Variants in LARGE1 observed in about 807,000 individuals in gnomAD.
LARGE1 encodes the protein LARGE xylosyl- and glucuronyltransferase 1.
LARGE1 carries 43 observed loss-of-function variants against 87.6 expected under a neutral mutation model. The ratio of observed to expected loss-of-function variants is 0.49; its 90% CI spans 0.38 to 0.63. The LOEUF is 0.63. Among genes scored for constraint, LARGE1 ranks in the 30% least tolerant of loss-of-function variants. The pLI is 0.00. For synonymous variants in LARGE1, 434 were observed against 394.6 expected (o/e 1.10, Z -1.18); for missense variants, 802 against 1,000.2 (o/e 0.80, Z 2.67).
At chr22:33,569,013 C>T (rs1178847798) in intron 5 of LARGE1, among the ~76,000 whole-genome samples, 1 of 152,134 alleles carries the variant, frequency 6.6e-6, no homozygotes, top group Non-Finnish European at 1.5e-5. Flanking sequence ...ACTACATTAT[C>T]CTTCCTTTAG....
chr22:33,842,720 G>A (rs923948784), intron 1 of LARGE1, among the ~76,000 whole-genome samples: 3 of 152,092 alleles, frequency 2.0e-5, no homozygotes, highest in Non-Finnish European at 2.9e-5. Flanking sequence ...AAAATATGGT[G>A]GCCACTAGCT....
chr22:33,154,193 T>C, the LARGE1 span, among the ~76,000 whole-genome samples: 1 of 151,878 alleles, frequency 6.6e-6, no homozygotes, highest in Non-Finnish European at 1.5e-5. Context: ...AGTAAACTCC[T>C]CTTTTATTAA....
At chr22:33,606,752 C>T (rs2079276159) in intron 4 of LARGE1, among the ~76,000 whole-genome samples, 1 of 152,102 alleles carries the variant, frequency 6.6e-6, no homozygotes, top group Non-Finnish European at 1.5e-5. Flanking sequence ...CCCACACTGC[C>T]CCTGCTGTCA....
intron 9 of LARGE1, among the ~76,000 whole-genome samples, chr22:33,373,972 C>CAAAAAAAAA (rs35830988): frequency 1.7e-5 from 1 of 59,518 alleles, no homozygotes; most frequent in Admixed American, 2.1e-4. Flanking sequence ...GACTCCGTCT[C>CAAAAAAAAA]AAAAAAAAAA....
intron 7 of LARGE1, among the ~76,000 whole-genome samples, chr22:33,394,186 T>C (rs2065637410): frequency 6.7e-6 from 1 of 149,080 alleles, no homozygotes; most frequent in African/African-American, 2.5e-5. Context: ...TTAACTTAGA[T>C]GACCTCTGAT....
At chr22:33,183,767 T>C (rs1923319868) in intron 11 of LARGE1, among the ~76,000 whole-genome samples, 1 of 152,046 alleles carries the variant, frequency 6.6e-6, no homozygotes, top group African/African-American at 2.4e-5. Context: ...TGATATTTAC[T>C]GTATGAAAGA....
intron 11 of LARGE1, among the ~76,000 whole-genome samples, chr22:33,183,628 A>ACG (rs34003530): frequency 0.31 from 41,596 of 135,786 alleles, 6,328 homozygotes; most frequent in Non-Finnish European, 0.38. Context: ...ACGCACACAC[A>ACG]CACACACACA....
chr22:33,534,514 G>C (rs1361366604), intron 6 of LARGE1, among the ~76,000 whole-genome samples: 1 of 152,118 alleles, frequency 6.6e-6, no homozygotes, highest in Non-Finnish European at 1.5e-5. Flanking sequence ...CCTTCATAAA[G>C]AGCTGCTAGC....
intron 3 of LARGE1, among the ~76,000 whole-genome samples, chr22:33,631,595 C>G (rs1262857835): frequency 1.3e-5 from 2 of 152,158 alleles, no homozygotes; most frequent in African/African-American, 4.8e-5. Context: ...GGGGCATTAA[C>G]ACACATGGAG....
At chr22:33,316,009 C>T in intron 11 of LARGE1, 76 bp downstream of exon 11, 1 of 1,510,628 alleles carries the variant, frequency 6.6e-7, no homozygotes, top group Non-Finnish European at 9.1e-7. Flanking sequence ...GAAGCAGGCA[C>T]ACCCTTCTCC....
intron 1 of LARGE1, among the ~76,000 whole-genome samples, chr22:33,861,273 C>T (rs767787913): frequency 6.6e-5 from 10 of 152,004 alleles, no homozygotes; most frequent in Admixed American, 1.3e-4. Flanking sequence ...ACTTGGTGGC[C>T]GAGTACAGCC....
At chr22:33,493,877 AC>A (rs1452844834) in intron 6 of LARGE1, among the ~76,000 whole-genome samples, 1 of 152,036 alleles carries the variant, frequency 6.6e-6, no homozygotes, top group African/African-American at 2.4e-5. Flanking sequence ...TAATTAAGAG[AC>A]CCTCCAAACC....
intron 4 of LARGE1, among the ~76,000 whole-genome samples, chr22:33,622,337 C>T (rs2079781102): frequency 6.6e-6 from 1 of 152,164 alleles, no homozygotes; most frequent in African/African-American, 2.4e-5. Context: ...CTTCTCCTTC[C>T]TGCCATCTTG....
chr22:33,162,387 T>A (rs913453986), exon 12 of LARGE1: 2 of 152,102 alleles, frequency 1.3e-5, no homozygotes, highest in African/African-American at 4.8e-5. Flanking sequence ...TCAGATCTCA[T>A]GAGAACTCAG....
chr22:33,656,344 T>C (rs185531380), intron 2 of LARGE1, among the ~76,000 whole-genome samples: 3 of 152,220 alleles, frequency 2.0e-5, no homozygotes, highest in South Asian at 2.1e-4. Flanking sequence ...TATAAAACCA[T>C]TGGATCTTGT....
chr22:33,449,833 T>C (rs537800278), intron 6 of LARGE1, among the ~76,000 whole-genome samples: 25 of 152,308 alleles, frequency 1.6e-4, no homozygotes, highest in Middle Eastern at 6.8e-3. Flanking sequence ...GCCCTGAAGA[T>C]GCCCATCAAG....
chr22:33,125,147 T>C, the LARGE1 span, among the ~76,000 whole-genome samples: 3 of 152,212 alleles, frequency 2.0e-5, no homozygotes, highest in African/African-American at 7.2e-5. Context: ...CTTATAGGGA[T>C]GGGCAGCGAG....
chr22:33,200,571 C>CA (rs1924329458), intron 11 of LARGE1, among the ~76,000 whole-genome samples: 1 of 151,176 alleles, frequency 6.6e-6, no homozygotes, highest in African/African-American at 2.5e-5. Context: ...TCATGTTAGT[C>CA]AAAAAGGAGA....
intron 1 of LARGE1, among the ~76,000 whole-genome samples, chr22:33,868,731 G>C (rs1458610115): frequency 1.3e-5 from 2 of 152,082 alleles, no homozygotes; most frequent in Non-Finnish European, 2.9e-5. Flanking sequence ...GCCCTGGTCT[G>C]GTCAACCAGA....
Sources: allele counts gnomAD v4.1 joint callset (sites outside exome capture counted in the v4.1 genomes callset), GRCh38; gene constraint gnomAD v4.1.1; transcripts MANE v1.5; gene names NCBI Gene and HGNC (gene_info 2026-07-23, HGNC 2026-07-21).